Variants in DOK6 observed in about 807,000 individuals in gnomAD.
DOK6 encodes downstream of tyrosine kinase 6.
DOK6 carries 22 observed loss-of-function variants against 44.0 expected under a neutral mutation model. The ratio of observed to expected loss-of-function variants is 0.50; its 90% confidence interval spans 0.36 to 0.71. The LOEUF (loss-of-function observed/expected upper bound fraction) is 0.71, where lower values mean the gene tolerates loss of function less well. Among genes scored for constraint, DOK6 ranks in the 30% least tolerant of loss-of-function variants. The pLI is 0.00. For synonymous variants in DOK6, 166 were observed against 145.5 expected (o/e 1.14, Z -1.01); for missense variants, 340 against 416.4 (o/e 0.82, Z 1.60).
chr18:69,798,318 G>T (rs556356047), intron 7 of DOK6, among the ~76,000 whole-genome samples: 2 of 152,196 alleles, frequency 1.3e-5, no homozygotes, highest in East Asian at 3.9e-4. Context: ...CTATTGAAGG[G>T]CTTCTGGGTA....
At chr18:69,626,295 G>A (rs1338954974) in intron 3 of DOK6, among the ~76,000 whole-genome samples, 1 of 152,152 alleles carries the variant, frequency 6.6e-6, no homozygotes, top group African/African-American at 2.4e-5. Flanking sequence ...AGCCAGAGTT[G>A]TATTTCATGA....
At chr18:69,821,998 G>T (rs933889517) in intron 7 of DOK6, among the ~76,000 whole-genome samples, 1 of 151,708 alleles carries the variant, frequency 6.6e-6, no homozygotes, top group Non-Finnish European at 1.5e-5. Flanking sequence ...CTTTTCTCTA[G>T]TGAAAAAAAC....
At chr18:69,786,391 C>T (rs1174964983) in intron 7 of DOK6, among the ~76,000 whole-genome samples, 2 of 152,190 alleles carry the variant, frequency 1.3e-5, no homozygotes, top group East Asian at 1.9e-4. Context: ...GAATGAGTCA[C>T]TTGTGGCTTA....
At chr18:69,816,350 T>C (rs748529091) in intron 7 of DOK6, among the ~76,000 whole-genome samples, 2 of 152,228 alleles carry the variant, frequency 1.3e-5, no homozygotes, top group Non-Finnish European at 2.9e-5. Flanking sequence ...TTGTGCTATA[T>C]GTTCCTCTTC....
intron 5 of DOK6, among the ~76,000 whole-genome samples, chr18:69,714,647 GA>G (rs1986841384): frequency 6.6e-6 from 1 of 152,046 alleles, no homozygotes; most frequent in Admixed American, 6.5e-5. Context: ...TGCCTCAGAA[GA>G]AAAAAACTAA....
At chr18:69,791,823 G>T (rs1047497782) in intron 7 of DOK6, among the ~76,000 whole-genome samples, 1 of 152,042 alleles carries the variant, frequency 6.6e-6, no homozygotes, top group African/African-American at 2.4e-5. Flanking sequence ...AGAAATATTT[G>T]CCCAGTCCAA....
At chr18:69,796,765 C>A (rs888744280) in intron 7 of DOK6, among the ~76,000 whole-genome samples, 4 of 149,166 alleles carry the variant, frequency 2.7e-5, no homozygotes, top group Admixed American at 6.6e-5. Context: ...AACTGTGAAG[C>A]CAGCTGCAGG....
intron 2 of DOK6, among the ~76,000 whole-genome samples, chr18:69,583,934 C>G (rs1023485819): frequency 3.3e-5 from 5 of 151,826 alleles, no homozygotes; most frequent in African/African-American, 1.2e-4. Flanking sequence ...CGGTGAAACC[C>G]CGTCCCTACT....
chr18:69,532,577 G>T (rs1982014381), intron 1 of DOK6, among the ~76,000 whole-genome samples: 1 of 152,116 alleles, frequency 6.6e-6, no homozygotes, highest in Admixed American at 6.6e-5. Context: ...GTTGTTTATG[G>T]AAGGCAGGTG....
intron 1 of DOK6, among the ~76,000 whole-genome samples, chr18:69,426,076 G>A (rs772018734): frequency 4.6e-5 from 7 of 151,890 alleles, no homozygotes; most frequent in African/African-American, 1.2e-4. Context: ...TAATTTTTTC[G>A]TATGTGTAGC....
At chr18:69,567,331 G>A (rs979572445) in intron 2 of DOK6, among the ~76,000 whole-genome samples, 3 of 152,050 alleles carry the variant, frequency 2.0e-5, no homozygotes, top group African/African-American at 7.2e-5. Flanking sequence ...TAAAAAAATA[G>A]GATAATACAG....
chr18:69,627,108 C>G (rs191829564), intron 3 of DOK6, among the ~76,000 whole-genome samples: 9 of 152,128 alleles, frequency 5.9e-5, no homozygotes, highest in Non-Finnish European at 1.2e-4. Flanking sequence ...GGAGTCCTGC[C>G]GAGTCATGGC....
chr18:69,618,354 G>A (rs1295701982), intron 3 of DOK6, among the ~76,000 whole-genome samples: 3 of 152,202 alleles, frequency 2.0e-5, no homozygotes, highest in Non-Finnish European at 4.4e-5. Context: ...GGCAAGGTGT[G>A]TATGAAGGCA....
intron 3 of DOK6, among the ~76,000 whole-genome samples, chr18:69,621,327 C>T (rs561167964): frequency 4.6e-5 from 7 of 152,196 alleles, no homozygotes; most frequent in Non-Finnish European, 7.4e-5. Flanking sequence ...TCAGTAAGTG[C>T]TCTATCAGTG....
At chr18:69,487,441 G>A (rs191525376) in intron 1 of DOK6, among the ~76,000 whole-genome samples, 1 of 152,260 alleles carries the variant, frequency 6.6e-6, no homozygotes, top group Non-Finnish European at 1.5e-5. Context: ...TGCCCCCAGT[G>A]TGTGAGGAGC....
chr18:69,635,727 T>TCAGTAGCC (rs1366732516), intron 3 of DOK6, among the ~76,000 whole-genome samples: 1 of 152,162 alleles, frequency 6.6e-6, no homozygotes, highest in Non-Finnish European at 1.5e-5. Flanking sequence ...GTTGGGATCC[T>TCAGTAGCC]CAGTAGCCGC....
chr18:69,449,025 G>T (rs1979377413), intron 1 of DOK6, among the ~76,000 whole-genome samples: 1 of 152,132 alleles, frequency 6.6e-6, no homozygotes, highest in Non-Finnish European at 1.5e-5. Flanking sequence ...CTAGGGTTAA[G>T]GTATAACCAG....
intron 7 of DOK6, among the ~76,000 whole-genome samples, chr18:69,822,398 A>G (rs1188234885): frequency 6.6e-5 from 10 of 152,312 alleles, no homozygotes; most frequent in Middle Eastern, 6.8e-3. Context: ...TAGCAATTGC[A>G]TTAACAAGAG....
At chr18:69,572,569 T>G (rs533016726) in intron 2 of DOK6, among the ~76,000 whole-genome samples, 81 of 152,148 alleles carry the variant, frequency 5.3e-4, no homozygotes, top group Non-Finnish European at 1.1e-3. Flanking sequence ...TCTATAGTTC[T>G]GGATAAAATG....
Sources: gnomAD v4.1 joint callset for allele counts (sites outside exome capture counted in the v4.1 genomes callset) on GRCh38, gnomAD v4.1.1 for gene constraint, MANE v1.5 for transcripts, NCBI Gene and HGNC (gene_info 2026-07-23, HGNC 2026-07-21) for gene names.